CSMD3: variants seen among roughly 807,000 people sequenced by gnomAD.
CSMD3 encodes CUB and Sushi multiple domains 3.
CSMD3 carries 177 observed loss-of-function variants against 435.2 expected under a neutral mutation model. The observed-to-expected ratio is 0.41, with a 90% CI of 0.36 to 0.46. CSMD3 has a LOEUF of 0.46. CSMD3 is among the 20% of genes least tolerant of loss of function. The pLI, the probability that CSMD3 is intolerant of heterozygous loss-of-function variation, is 0.34. For missense variants in CSMD3, 4,265 were observed against 4,504.6 expected (o/e 0.95, Z 1.52); for synonymous variants, 1,656 against 1,520.5 (o/e 1.09, Z -2.07).
At position 113,342,613 on chromosome 8, in the gene CSMD3, C is replaced by T. The variant is rs2094127415; in HGVS notation, c.179-27820G>A. 2.0e-5 allele frequency among the ~76,000 whole-genome samples: 3 copies of T among 152,182 alleles called. No homozygotes were observed. In the South Asian group the frequency reaches 6.2e-4, roughly 32 times the overall value. On this transcript the variant is annotated intron_variant, in intron 1 of 70. Transcript: ENST00000297405. ...GACTCAACTCGACTCTACTCTAGGC[C>T]TACCCCTAAAGTCAGAAGCCTAAAG...
intron 3 of CSMD3, among the ~76,000 whole-genome samples, chr8:113,274,685 C>A (rs2093555824): frequency 6.6e-6 from 1 of 151,982 alleles, no homozygotes; most frequent in African/African-American, 2.4e-5. Context: ...CTTGAAAGAT[C>A]TCATAGTAGT....
At chr8:112,692,913 A>G (rs1037822446) in intron 13 of CSMD3, among the ~76,000 whole-genome samples, 67 of 144,602 alleles carry the variant, frequency 4.6e-4, no homozygotes, top group Non-Finnish European at 8.6e-4. Flanking sequence ...ATTAATCTTT[A>G]TATCTATCTA....
At chr8:112,941,208 A>G (rs1038781664) in intron 9 of CSMD3, among the ~76,000 whole-genome samples, 5 of 151,874 alleles carry the variant, frequency 3.3e-5, no homozygotes, top group Non-Finnish European at 2.9e-5. Flanking sequence ...AGGAAGAAAC[A>G]ACAGAACTAA....
intron 6 of CSMD3, among the ~76,000 whole-genome samples, chr8:113,014,256 A>G (rs2086367620): frequency 6.6e-6 from 1 of 152,172 alleles, no homozygotes; most frequent in African/African-American, 2.4e-5. Flanking sequence ...TTCTGATGTT[A>G]ACAGTTCTCT....
intron 1 of CSMD3, chr8:113,376,658 G>A (rs2094385198): frequency 6.6e-7 from 1 of 1,514,350 alleles, no homozygotes; most frequent in African/African-American, 1.4e-5. Flanking sequence ...GGCCAGGCAG[G>A]AGGCGCCATC....
intron 59 of CSMD3, among the ~76,000 whole-genome samples, chr8:112,267,723 T>C (rs566034274): frequency 6.6e-6 from 1 of 152,236 alleles, no homozygotes; most frequent in South Asian, 2.1e-4. Flanking sequence ...AGAGCGTTTA[T>C]TTTACAGATG....
chr8:113,323,617 C>T (rs1014553105), intron 1 of CSMD3, among the ~76,000 whole-genome samples: 1 of 152,106 alleles, frequency 6.6e-6, no homozygotes, highest in Non-Finnish European at 1.5e-5. Flanking sequence ...ATCTTTTTCA[C>T]TAAACCAAAA....
intron 4 of CSMD3, among the ~76,000 whole-genome samples, chr8:113,134,843 G>C (rs1013725380): frequency 6.6e-4 from 101 of 152,036 alleles, no homozygotes; most frequent in Admixed American, 1.3e-3. Flanking sequence ...TAAGGTGGTG[G>C]CATCTGTTCA....
At position 113,325,349 on chromosome 8, in the gene CSMD3, T is replaced by C. The variant is rs146283970; in HGVS notation, c.179-10556A>G. Among the ~76,000 whole-genome samples, 271 of 152,284 alleles carry C rather than the reference T, an allele frequency of 1.8e-3. 1 individual carries two copies. The highest frequency in any genetic ancestry group is 3.3e-3 in the Non-Finnish European group (226 of 68,022). ...GAGATAATTGAATCATGGGGACCCA[T>C]GCTGTTCTCATGATAGTGAATACAT... On this transcript the variant is annotated intron_variant, in intron 1 of 70. Transcript: ENST00000297405.
intron 61 of CSMD3, 157 bp from the exon 62 acceptor site, chr8:112,255,584 G>T: frequency 1.5e-6 from 1 of 673,702 alleles, no homozygotes; most frequent in Non-Finnish European, 2.5e-6. Flanking sequence ...TTTAGCTTAT[G>T]TGCAGATAAA....
chr8:113,371,314 G>C (rs989165973), intron 1 of CSMD3, among the ~76,000 whole-genome samples: 5 of 151,694 alleles, frequency 3.3e-5, no homozygotes, highest in African/African-American at 1.2e-4. Flanking sequence ...GTGGAATATT[G>C]GGAATATCAG....
chr8:112,984,223 A>G (rs1260220103), intron 6 of CSMD3, among the ~76,000 whole-genome samples: 3 of 151,928 alleles, frequency 2.0e-5, no homozygotes, highest in African/African-American at 4.8e-5. Flanking sequence ...TTAGAGATAA[A>G]TGTATTTCTT....
At chr8:112,257,074 C>T (rs930814382) in intron 61 of CSMD3, among the ~76,000 whole-genome samples, 1 of 152,240 alleles carries the variant, frequency 6.6e-6, no homozygotes, top group South Asian at 2.1e-4. Flanking sequence ...CTTTTAGTAG[C>T]ATTTAAAACT....
intron 6 of CSMD3, among the ~76,000 whole-genome samples, chr8:113,004,691 G>A (rs2085991671): frequency 6.6e-6 from 1 of 151,772 alleles, no homozygotes; most frequent in Non-Finnish European, 1.5e-5. Context: ...GTTAAAAATT[G>A]AAGTCTGTGA....
At chr8:112,924,249 A>C (rs1262301981) in intron 9 of CSMD3, among the ~76,000 whole-genome samples, 1 of 152,170 alleles carries the variant, frequency 6.6e-6, no homozygotes, top group Non-Finnish European at 1.5e-5. Flanking sequence ...CAAAGAGTTT[A>C]GTTAACAAGC....
At chr8:113,238,988 G>T (rs1317202276) in intron 3 of CSMD3, among the ~76,000 whole-genome samples, 3 of 152,082 alleles carry the variant, frequency 2.0e-5, no homozygotes, top group South Asian at 2.1e-4. Flanking sequence ...CACAAAGCAG[G>T]TTGCCCTCCC....
chr8:113,360,488 C>T (rs2094265585), intron 1 of CSMD3, among the ~76,000 whole-genome samples: 1 of 151,836 alleles, frequency 6.6e-6, no homozygotes, highest in Admixed American at 6.6e-5. Context: ...TCAATTTACA[C>T]TGGGACACAT....
chr8:113,267,367 G>C (rs2093479941), intron 3 of CSMD3, among the ~76,000 whole-genome samples: 1 of 151,624 alleles, frequency 6.6e-6, no homozygotes, highest in African/African-American at 2.4e-5. Context: ...TCCATCAACA[G>C]ATGAACAGAT....
chr8:112,351,777 C>T (rs1198353290), intron 39 of CSMD3, among the ~76,000 whole-genome samples: 1 of 151,706 alleles, frequency 6.6e-6, no homozygotes, highest in Admixed American at 6.6e-5. Flanking sequence ...TTTAATTTTG[C>T]TTTCTCTGAA....
Sources: gnomAD v4.1 joint callset for allele counts (sites outside exome capture counted in the v4.1 genomes callset) on GRCh38, gnomAD v4.1.1 for gene constraint, MANE v1.5 for transcripts, NCBI Gene and HGNC (gene_info 2026-07-23, HGNC 2026-07-21) for gene names.